KMT2C: variants seen among roughly 807,000 people sequenced by gnomAD.
KMT2C encodes the protein histone-lysine N-methyltransferase 2C.
A neutral mutation model predicts 507.9 loss-of-function variants in KMT2C; 88 were observed. The ratio of observed to expected loss-of-function variants is 0.17; its 90% CI spans 0.15 to 0.21. The LOEUF is 0.21. KMT2C is among the 10% of genes least tolerant of loss of function. The pLI is 1.00. For synonymous variants in KMT2C, 2,049 were observed against 2,080.8 expected (o/e 0.98, Z 0.42); for missense variants, 4,954 against 5,957.8 (o/e 0.83, Z 5.55).
At chr7:152,381,511 C>A (rs2129250138) in intron 1 of KMT2C, among the ~76,000 whole-genome samples, 1 of 152,270 alleles carries the variant, frequency 6.6e-6, no homozygotes, top group East Asian at 1.9e-4. Context: ...TGTTCAAGAG[C>A]AACACATTTC....
At chr7:152,187,912 T>A in intron 31 of KMT2C, 65 bp from the exon 32 acceptor site, 1 of 1,532,572 alleles carries the variant, frequency 6.5e-7, no homozygotes, top group Non-Finnish European at 9.0e-7. Flanking sequence ...GAAGTAAAGC[T>A]GGCCCTTGAA....
chr7:152,433,861 G>A (rs1174224703), intron 1 of KMT2C, among the ~76,000 whole-genome samples: 2 of 152,288 alleles, frequency 1.3e-5, no homozygotes, highest in Non-Finnish European at 2.9e-5. Flanking sequence ...GCGTGTGAGT[G>A]TGCGCGTGTG....
rs2129119881 is a variant in KMT2C at position 152,181,363 on chromosome 7, G to A, written c.6497C>T (p.Pro2166Leu). The A allele has an allele frequency of 7.4e-6, 12 of 1,614,034 alleles. No individual in the cohort carries two copies. The highest frequency in any genetic ancestry group is 1.0e-5 in the Non-Finnish European group (12 of 1,180,008). Residue 2166 changes from proline (P) to leucine (L), a missense_variant, in exon 36 of 59, where the codon CCC becomes CTC. Around this residue, in one of 29 missense-constraint regions of KMT2C, gnomAD observed 1,689 missense variants for 1,654.3 expected, o/e 1.02. Coordinates refer to ENST00000262189, the MANE Select transcript of KMT2C (RefSeq NM_170606.3). ...ATATGGGTCAACAGTAGTAGGCCGG[G>A]GAGTTCCAGGAGGTTGAGAGTAAGG... is the stretch of plus-strand genomic sequence containing the variant. ...TDPYSQPPGT[P>L]RPTTVDPYSQ... is the part of the protein sequence containing the mutation.
chr7:152,434,119 T>G (rs1448138160), intron 1 of KMT2C, among the ~76,000 whole-genome samples: 1 of 152,244 alleles, frequency 6.6e-6, no homozygotes, highest in Non-Finnish European at 1.5e-5. Context: ...AAAAATTACT[T>G]AAACCTCCAC....
intron 14 of KMT2C, among the ~76,000 whole-genome samples, chr7:152,245,419 T>G (rs2095455079): frequency 6.6e-6 from 1 of 152,242 alleles, no homozygotes; most frequent in South Asian, 2.1e-4. Context: ...TTCATTTTTA[T>G]ACTAAATGCT....
intron 1 of KMT2C, among the ~76,000 whole-genome samples, chr7:152,424,094 T>C (rs567218155): frequency 3.1e-4 from 47 of 152,306 alleles, no homozygotes; most frequent in Non-Finnish European, 6.0e-4. Flanking sequence ...TAATGATTTT[T>C]ATCACTCGTA....
chr7:152,171,439 C>A, intron 39 of KMT2C, 97 bp from the exon 40 acceptor site: 3 of 706,154 alleles, frequency 4.2e-6, no homozygotes, highest in South Asian at 2.4e-5. Context: ...TTTTCTCTTC[C>A]AGAGAAGAAC....
chr7:152,320,207 C>CA (rs905673628), intron 3 of KMT2C, among the ~76,000 whole-genome samples: 23 of 151,832 alleles, frequency 1.5e-4, no homozygotes, highest in East Asian at 5.8e-4. Flanking sequence ...TTCCAAAATC[C>CA]AAAAAAAATC....
intron 48 of KMT2C, among the ~76,000 whole-genome samples, chr7:152,153,727 C>T (rs1373155462): frequency 8.2e-6 from 1 of 121,514 alleles, no homozygotes; most frequent in Non-Finnish European, 1.6e-5. Flanking sequence ...GACTGTGTCT[C>T]TATTAAAAAA....
intron 35 of KMT2C, 23 bp from the exon 36 acceptor site, chr7:152,182,617 G>A (rs543878733): frequency 2.6e-6 from 4 of 1,523,042 alleles, no homozygotes; most frequent in South Asian, 1.3e-5. Context: ...AAAAGAAAAA[G>A]CAATCATATT....
rs1220239593 is a variant in KMT2C at position 152,271,695 on chromosome 7, A to AC, written c.1012+2009dup. Among the ~76,000 whole-genome samples, 182 of 147,888 alleles carry AC rather than the reference A, an allele frequency of 1.2e-3. 1 individual carries two copies. The highest frequency in any genetic ancestry group is 4.7e-3 in the Admixed American group (66 of 14,152). On this transcript the variant is annotated intron_variant, in intron 7 of 58. Coordinates refer to ENST00000262189, the MANE Select transcript of KMT2C (RefSeq NM_170606.3). ...TCTCAAAAAAAAAAAAAAAAAAAAA[A>AC]CCCCAAAGAAATCTAATTTAGTCAT...
rs376932109 is a variant in KMT2C, at chr7:152,149,200, C to T, written c.12775-48G>A. On this transcript the variant is annotated intron_variant, in intron 51 of 58. Coordinates refer to ENST00000262189, the MANE Select transcript of KMT2C (RefSeq NM_170606.3). ...GACAAAGAAAAATAATTCACAAGCC[C>T]GGAAAGCAATTCTTGTTAAGACAAG... 4.4e-5 allele frequency: 63 copies of T among 1,439,064 alleles called. No homozygotes were observed. The Admixed American group carries it at 4.8e-4, about 11-fold the overall frequency. The allele number at this position is 1,439,064 out of a possible 1,614,324, so 89.1% of individuals were successfully genotyped here.
intron 52 of KMT2C, 83 bp from the exon 53 acceptor site, chr7:152,146,818 C>T: frequency 1.7e-6 from 2 of 1,186,668 alleles, no homozygotes; most frequent in East Asian, 2.4e-5. Context: ...TAACCACTCA[C>T]AAGGATTTAC....
In KMT2C at chr7:152,389,345, T is replaced by G. The variant is rs2097467203; in HGVS notation, c.162-30670A>C. On this transcript the variant is annotated intron_variant, in intron 1 of 58. Coordinates refer to ENST00000262189, the MANE Select transcript of KMT2C (RefSeq NM_170606.3). ...GTGCAGCCTGGTGACAGAGTGAGAC[T>G]CCGTCTCAAAAAAAAAAAAAAAAAA... is the stretch of plus-strand genomic sequence containing the variant. Among the ~76,000 whole-genome samples, 4 of 120,164 alleles carry G rather than the reference T, an allele frequency of 3.3e-5. No homozygotes were observed. In the South Asian group the frequency reaches 1.1e-3, roughly 33 times the overall value. 78.8% of individuals were successfully genotyped at this position (120,164 alleles called of 152,430 possible).
chr7:152,285,704 T>C (rs74341538), intron 6 of KMT2C, among the ~76,000 whole-genome samples: 286 of 119,532 alleles, frequency 2.4e-3, no homozygotes, highest in East Asian at 0.015. Flanking sequence ...AGAGTTTCAG[T>C]CTGGGCGCGA....
chr7:152,209,062 G>A (rs1185565652), intron 23 of KMT2C, among the ~76,000 whole-genome samples: 2 of 151,862 alleles, frequency 1.3e-5, no homozygotes, highest in East Asian at 3.9e-4. Flanking sequence ...AGGAGGCTGA[G>A]GCAGGAGAAT....
intron 4 of KMT2C, 71 bp downstream of exon 4, chr7:152,315,067 T>C: frequency 7.6e-7 from 1 of 1,319,608 alleles, no homozygotes; most frequent in Non-Finnish European, 1.1e-6. Flanking sequence ...TGAAAATTTA[T>C]AAACATTATA....
chr7:152,171,192 A>G, intron 40 of KMT2C, 72 bp downstream of exon 40: 1 of 973,078 alleles, frequency 1.0e-6, no homozygotes, highest in Non-Finnish European at 1.5e-6. Context: ...CAGGGGACTT[A>G]CTCTAAAGCA....
intron 16 of KMT2C, among the ~76,000 whole-genome samples, chr7:152,233,398 A>G (rs577183962): frequency 6.6e-6 from 1 of 152,352 alleles, no homozygotes; most frequent in East Asian, 1.9e-4. Flanking sequence ...GAGAATAGAA[A>G]GTTCTGACCT....
Sources: allele counts gnomAD v4.1 joint callset (sites outside exome capture counted in the v4.1 genomes callset), GRCh38; gene constraint gnomAD v4.1.1; regional missense constraint gnomAD v4.1.1; transcripts MANE v1.5; gene names NCBI Gene and HGNC (gene_info 2026-07-23, HGNC 2026-07-21).